Variants in LRRC37A observed in about 807,000 individuals in gnomAD.
The protein encoded by LRRC37A is leucine-rich repeat-containing protein 37A.
Under a neutral mutation model 35.4 loss-of-function variants are expected in LRRC37A, and 3 were observed. The observed-to-expected ratio is 0.08, with a 90% CI of 0.04 to 0.22. The LOEUF (loss-of-function observed/expected upper bound fraction) is 0.22. Among genes scored for constraint, LRRC37A ranks in the 10% least tolerant of loss-of-function variants. The pLI is 1.00. For missense variants in LRRC37A, 67 were observed against 565.3 expected, an observed-to-expected ratio of 0.12 and a Z score of 8.94; for synonymous variants, 23 against 215.0, an observed-to-expected ratio of 0.11 and a Z score of 7.81.
chr17:46,298,685 C>G (rs1202744563), intron 1 of LRRC37A, among the ~76,000 whole-genome samples: 1 of 100,014 alleles, frequency 1.0e-5, no homozygotes, highest in Non-Finnish European at 2.2e-5. Flanking sequence ...GATTGCACCA[C>G]TGCACTCCAG....
At chr17:46,317,234 G>A (rs1249435787) in intron 5 of LRRC37A, among the ~76,000 whole-genome samples, 4 of 80,596 alleles carry the variant, frequency 5.0e-5, no homozygotes, top group Admixed American at 1.3e-4. Flanking sequence ...TTACTCTATT[G>A]CCAGTGCTGG....
chr17:46,257,226 C>T, the LRRC37A span, among the ~76,000 whole-genome samples: 1 of 151,608 alleles, frequency 6.6e-6, no homozygotes, highest in Admixed American at 6.6e-5. Flanking sequence ...GAGGGTGGAT[C>T]ACCTGAGGTC....
chr17:46,271,482 G>A, the LRRC37A span, among the ~76,000 whole-genome samples: 18,525 of 151,370 alleles, frequency 0.12, no homozygotes, highest in Non-Finnish European at 0.18. Context: ...ACGCCCAGCC[G>A]TATCATGATA....
chr17:46,275,425 A>T, the LRRC37A span: 1 of 945,088 alleles, frequency 1.1e-6, no homozygotes, highest in African/African-American at 1.8e-5. Flanking sequence ...AGACCTACAG[A>T]GTATAGAAAA....
the LRRC37A span, among the ~76,000 whole-genome samples, chr17:46,283,641 T>C: frequency 1.3e-5 from 2 of 151,996 alleles, no homozygotes; most frequent in South Asian, 2.1e-4. Context: ...CCTCCACACC[T>C]GTGGGTGTTT....
the LRRC37A span, among the ~76,000 whole-genome samples, chr17:46,270,746 A>G: frequency 6.6e-6 from 1 of 152,216 alleles, no homozygotes; most frequent in Non-Finnish European, 1.5e-5. Context: ...GTCTCTACTA[A>G]AAATACAAAA....
chr17:46,286,514 AG>A, the LRRC37A span, among the ~76,000 whole-genome samples: 2 of 151,846 alleles, frequency 1.3e-5, no homozygotes, highest in Non-Finnish European at 2.9e-5. Flanking sequence ...AAACAAGTCA[AG>A]CTAGTTTAAT....
the LRRC37A span, among the ~76,000 whole-genome samples, chr17:46,259,330 C>A: frequency 6.7e-6 from 1 of 150,228 alleles, no homozygotes; most frequent in Non-Finnish European, 1.5e-5. Context: ...GGACCCTGGG[C>A]TGGGAGGGGG....
chr17:46,288,706 C>CTTTTTTTTCT (rs2049986505), upstream of LRRC37A, among the ~76,000 whole-genome samples: 1 of 139,058 alleles, frequency 7.2e-6, no homozygotes, highest in Non-Finnish European at 1.6e-5. Context: ...CTTGTTTTTT[C>CTTTTTTTTCT]TTTTTTTTTT....
At chr17:46,268,866 T>C in the LRRC37A span, among the ~76,000 whole-genome samples, 2 of 152,354 alleles carry the variant, frequency 1.3e-5, no homozygotes, top group South Asian at 4.1e-4. Context: ...TACAAGATGC[T>C]TCTTAAATGG....
At chr17:46,288,780 T>C (rs1348429878), upstream of LRRC37A, among the ~76,000 whole-genome samples, 1 of 151,752 alleles carries the variant, frequency 6.6e-6, no homozygotes, top group East Asian at 1.9e-4. Flanking sequence ...CTCGGCTCAG[T>C]GTACCCTGCA....
At chr17:46,271,332 ATTTT>A in the LRRC37A span, among the ~76,000 whole-genome samples, 412 of 125,618 alleles carry the variant, frequency 3.3e-3, 1 homozygote, top group African/African-American at 0.011. Context: ...TACCTAGCTA[ATTTT>A]TTTTTTTTTT....
chr17:46,252,788 C>T, the LRRC37A span, among the ~76,000 whole-genome samples: 1 of 152,338 alleles, frequency 6.6e-6, no homozygotes, highest in East Asian at 1.9e-4. Flanking sequence ...TACACAGACA[C>T]GGCAACCATC....
chr17:46,250,598 C>T, the LRRC37A span, among the ~76,000 whole-genome samples: 2 of 152,134 alleles, frequency 1.3e-5, no homozygotes, highest in African/African-American at 4.8e-5. Flanking sequence ...ACATCGGACT[C>T]CAAGTTCTTC....
chr17:46,278,584 A>G, the LRRC37A span, among the ~76,000 whole-genome samples: 2 of 151,138 alleles, frequency 1.3e-5, no homozygotes, highest in South Asian at 4.2e-4. Flanking sequence ...TTGTATTTTT[A>G]GTAGAGATGA....
chr17:46,285,517 A>G, the LRRC37A span, among the ~76,000 whole-genome samples: 10 of 152,180 alleles, frequency 6.6e-5, no homozygotes, highest in Non-Finnish European at 1.5e-5. Flanking sequence ...CTGGGATTAC[A>G]GGTGTGAGCC....
At chr17:46,274,896 CT>C in the LRRC37A span, 1 of 151,980 alleles carries the variant, frequency 6.6e-6, no homozygotes, top group Non-Finnish European at 1.5e-5. Flanking sequence ...TCTTTTCTTC[CT>C]TTTTTTGTTT....
At chr17:46,255,198 G>A in the LRRC37A span, among the ~76,000 whole-genome samples, 2 of 151,962 alleles carry the variant, frequency 1.3e-5, no homozygotes, top group Non-Finnish European at 2.9e-5. Flanking sequence ...GGAACTCCTG[G>A]GCTCAAGTGA....
the LRRC37A span, among the ~76,000 whole-genome samples, chr17:46,281,861 C>T: frequency 1.3e-5 from 2 of 152,154 alleles, no homozygotes; most frequent in East Asian, 3.9e-4. Flanking sequence ...CCAGGCTGGT[C>T]TCAAACTCCT....
Sources: gnomAD v4.1 joint callset for allele counts (sites outside exome capture counted in the v4.1 genomes callset) on GRCh38, gnomAD v4.1.1 for gene constraint, MANE v1.5 for transcripts, NCBI Gene and HGNC (gene_info 2026-07-23, HGNC 2026-07-21) for gene names.